The following LRRC8C variants were observed in gnomAD, a reference collection of about 807,000 sequenced individuals.
LRRC8C encodes the protein leucine rich repeat containing 8 VRAC subunit C.
A neutral mutation model predicts 55.3 loss-of-function variants in LRRC8C; 20 were observed. The ratio of observed to expected loss-of-function variants is 0.36; its 90% confidence interval spans 0.25 to 0.53. The LOEUF (loss-of-function observed/expected upper bound fraction) is 0.53. LRRC8C is among the 20% of genes least tolerant of loss of function. The pLI is 0.92. For synonymous variants in LRRC8C, 376 were observed against 360.7 expected (o/e 1.04, Z -0.48); for missense variants, 659 against 951.4 (o/e 0.69, Z 4.04).
Position 89,714,172 on chromosome 1 carries a change from C to T in LRRC8C, c.1602C>T (p.Thr534=). The T allele has an allele frequency of 6.2e-7, 1 of 1,614,058 alleles. No individual in the cohort carries two copies. The highest frequency in any genetic ancestry group is 8.5e-7 in the Non-Finnish European group (1 of 1,180,016). ...SLSHDISRNV[T]LESLRDLKSL... ...GTCATGATATTTCCAGAAATGTCAC[C>T]CTTGAGTCTCTGCGGGATCTCAAAA... Residue 534 remains threonine (T), a synonymous_variant, in exon 3 of 3, where the codon ACC becomes ACT. Coordinates refer to ENST00000370454, the MANE Select transcript of LRRC8C (RefSeq NM_032270.5). This position sits in a 1 kb window ranked among gnomAD's most constrained non-coding sequence, Gnocchi z 4.6.
At chr1:89,647,607 T>G (rs544046751) in intron 1 of LRRC8C, among the ~76,000 whole-genome samples, 8 of 152,188 alleles carry the variant, frequency 5.3e-5, no homozygotes, top group Non-Finnish European at 8.8e-5. Context: ...ACTCTCTGGG[T>G]ACAATATACG....
At chr1:89,619,553 A>C in the LRRC8C span, among the ~76,000 whole-genome samples, 3 of 150,848 alleles carry the variant, frequency 2.0e-5, no homozygotes, top group African/African-American at 7.3e-5. Flanking sequence ...TTCACTTTTT[A>C]AACATTTTAT....
intron 2 of LRRC8C, among the ~76,000 whole-genome samples, chr1:89,699,575 A>G (rs1435309691): frequency 6.6e-6 from 1 of 152,228 alleles, no homozygotes; most frequent in Admixed American, 6.5e-5. Flanking sequence ...AAGTAGAAGA[A>G]AAGAAGAGAG....
chr1:89,638,418 A>G (rs926590064), intron 1 of LRRC8C, among the ~76,000 whole-genome samples: 1 of 152,052 alleles, frequency 6.6e-6, no homozygotes, highest in Non-Finnish European at 1.5e-5. Flanking sequence ...ATCACAAACC[A>G]TTATTTAAGG....
chr1:89,673,663 A>G (rs1200117091), intron 1 of LRRC8C, among the ~76,000 whole-genome samples: 2 of 152,162 alleles, frequency 1.3e-5, no homozygotes, highest in African/African-American at 2.4e-5. Flanking sequence ...TCATCTATTT[A>G]CCCAATAAAT....
At chr1:89,631,153 A>G (rs1214776526), upstream of LRRC8C, among the ~76,000 whole-genome samples, 1 of 152,292 alleles carries the variant, frequency 6.6e-6, no homozygotes, top group Non-Finnish European at 1.5e-5. Context: ...ACTACTTACA[A>G]AGTGATTGGC....
Position 89,713,583 on chromosome 1 carries a change from T to A in LRRC8C, c.1013T>A (p.Leu338Ter). 1.9e-6 allele frequency: 3 copies of A among 1,614,190 alleles called. No individual in the cohort carries two copies. Among genetic ancestry groups the A allele is most frequent in the Non-Finnish European group, 2.5e-6 (3 of 1,180,024 alleles). ...TATGGATTGACGTGCCTTTATACCT[T>A]ATACTGGCTGTTCTACCGTTCTCTA... is the stretch of plus-strand genomic sequence containing the variant. Reference protein sequence around the residue: ...SIYGLTCLYTLYWLFYRSLRE... With the variant: ...SIYGLTCLYT Residue 338 changes from leucine (L) to a stop codon, truncating the protein, a stop_gained, in exon 3 of 3, where the codon TTA becomes TAA. Coordinates refer to ENST00000370454, the MANE Select transcript of LRRC8C (RefSeq NM_032270.5). LOFTEE classifies it high-confidence loss of function. This position sits in a 1 kb window ranked among gnomAD's most constrained non-coding sequence, Gnocchi z 5.2.
chr1:89,716,565 CACTG>C lies in LRRC8C; in HGVS notation c.*1587_*1590del, dbSNP rs774277379. On this transcript the variant is annotated 3_prime_UTR_variant, in exon 3 of 3. Coordinates refer to ENST00000370454, the MANE Select transcript of LRRC8C (RefSeq NM_032270.5). ...GCATGGGCTCTTGGGCAAAATATTTCACTGACTATTAAGCATGTAGAACAGGAAA... is the reference window on the plus strand; with the variant it reads ...GCATGGGCTCTTGGGCAAAATATTTCACTATTAAGCATGTAGAACAGGAAA... 1 of 152,184 alleles carries C rather than the reference CACTG, an allele frequency of 6.6e-6. No homozygotes were observed. The highest frequency in any genetic ancestry group is 1.5e-5 in the Non-Finnish European group (1 of 68,032). The allele number at this position is 152,184 out of a possible 1,614,324, so 9.4% of individuals were successfully genotyped here. A position where few individuals can be genotyped will look rare whatever the true frequency, so the allele number is the denominator to read the frequency against.
At chr1:89,675,011 A>C (rs1657514588) in intron 1 of LRRC8C, among the ~76,000 whole-genome samples, 1 of 152,208 alleles carries the variant, frequency 6.6e-6, no homozygotes, top group Non-Finnish European at 1.5e-5. Flanking sequence ...ACAAGTGAAA[A>C]AGTGTTTGAC....
upstream of LRRC8C, among the ~76,000 whole-genome samples, chr1:89,629,122 T>G (rs1235511467): frequency 6.6e-6 from 1 of 152,154 alleles, no homozygotes; most frequent in Non-Finnish European, 1.5e-5. Flanking sequence ...CTAGGGAAGG[T>G]TTTATTTTTC....
At chr1:89,663,125 A>G (rs1487505009) in intron 1 of LRRC8C, among the ~76,000 whole-genome samples, 1 of 152,158 alleles carries the variant, frequency 6.6e-6, no homozygotes, top group Non-Finnish European at 1.5e-5. Flanking sequence ...TTCTAGCTTC[A>G]TCCATGTCCC....
chr1:89,677,719 T>C (rs2101255310), intron 1 of LRRC8C, among the ~76,000 whole-genome samples: 1 of 152,332 alleles, frequency 6.6e-6, no homozygotes, highest in Admixed American at 6.5e-5. Context: ...TTTCAGGTCC[T>C]AAAATTTTAT....
intron 1 of LRRC8C, among the ~76,000 whole-genome samples, chr1:89,670,173 A>G (rs562322080): frequency 1.3e-5 from 2 of 152,320 alleles, no homozygotes; most frequent in South Asian, 4.1e-4. Flanking sequence ...TATTATTAAT[A>G]CCATGCTTTC....
rs1331516555 is a variant in LRRC8C, at chr1:89,692,632, G to T, written c.138+6021G>T. Among the ~76,000 whole-genome samples, 10 of 152,274 alleles carry T rather than the reference G, an allele frequency of 6.6e-5. 1 individual carries two copies. The highest frequency in any genetic ancestry group is 2.4e-4 in the African/African-American group (10 of 41,562). Reference sequence around the variant, plus strand: ...TCTTTTCAAGGCTGCCATGAAATAAGAGCATGTATAAAGAGCATTCCTTAG... The same window carrying T: ...TCTTTTCAAGGCTGCCATGAAATAATAGCATGTATAAAGAGCATTCCTTAG... On this transcript the variant is annotated intron_variant, in intron 2 of 2. Coordinates refer to ENST00000370454, the MANE Select transcript of LRRC8C (RefSeq NM_032270.5).
At chr1:89,632,985 G>A (rs1201286349), upstream of LRRC8C, 2 of 152,170 alleles carry the variant, frequency 1.3e-5, no homozygotes, top group Non-Finnish European at 2.9e-5. Flanking sequence ...TCGACTCGGC[G>A]GGCGGTGGCG....
intron 2 of LRRC8C, among the ~76,000 whole-genome samples, chr1:89,707,655 T>A (rs951968249): frequency 7.6e-5 from 10 of 131,910 alleles, no homozygotes; most frequent in African/African-American, 3.5e-4. Flanking sequence ...TGTGTGAGTG[T>A]GTGTGTGTGT....
At position 89,717,588 on chromosome 1, in the gene LRRC8C, C is replaced by G. The variant is rs1658863868; in HGVS notation, c.*2606C>G. On this transcript the variant is annotated 3_prime_UTR_variant, in exon 3 of 3. Transcript: ENST00000370454. ...ATTCCTATTAGATTTTATAAACCTTCAAAAGTCTGAAACTTAATTTTGAGT... is the reference window on the plus strand; with the variant it reads ...ATTCCTATTAGATTTTATAAACCTTGAAAAGTCTGAAACTTAATTTTGAGT... 1 of 152,084 alleles carries G rather than the reference C, an allele frequency of 6.6e-6. No individual in the cohort carries two copies. The highest frequency in any genetic ancestry group is 1.5e-5 in the Non-Finnish European group (1 of 68,018). 9.4% of individuals were successfully genotyped at this position (152,084 alleles called of 1,614,324 possible). A position where few individuals can be genotyped will look rare whatever the true frequency, so the allele number is the denominator to read the frequency against.
chr1:89,701,875 G>T (rs992874700), intron 2 of LRRC8C, among the ~76,000 whole-genome samples: 3 of 152,096 alleles, frequency 2.0e-5, no homozygotes, highest in African/African-American at 7.2e-5. Flanking sequence ...ATCAATTGCT[G>T]GGCTCTTATC....
chr1:89,682,662 G>A lies in LRRC8C; in HGVS notation c.-4-3808G>A, dbSNP rs370062514. Reference sequence around the variant, plus strand: ...GGCACTAGACTGTGCTGAAGGGATTGTGTTCTTCACTGGTACACACTTGAA... The same window carrying A: ...GGCACTAGACTGTGCTGAAGGGATTATGTTCTTCACTGGTACACACTTGAA... On this transcript the variant is annotated intron_variant, in intron 1 of 2. Coordinates refer to ENST00000370454, the MANE Select transcript of LRRC8C (RefSeq NM_032270.5). 3.3e-5 allele frequency among the ~76,000 whole-genome samples: 5 copies of A among 152,306 alleles called. No individual in the cohort carries two copies. In the East Asian group the frequency reaches 5.8e-4, roughly 18 times the overall value.
Sources: gnomAD v4.1 joint callset for allele counts (sites outside exome capture counted in the v4.1 genomes callset) on GRCh38, gnomAD v4.1.1 for gene constraint, Gnocchi (gnomAD v3.1) non-coding constraint, MANE v1.5 for transcripts, NCBI Gene and HGNC (gene_info 2026-07-23, HGNC 2026-07-21) for gene names.